TRIQK: variants seen among roughly 807,000 people sequenced by gnomAD.
The protein encoded by TRIQK is triple QxxK/R motif-containing protein.
Under a neutral mutation model 10.8 loss-of-function variants are expected in TRIQK, and 10 were observed. That is an observed-to-expected ratio of 0.92 (90% CI 0.57 to 1.57). The LOEUF (loss-of-function observed/expected upper bound fraction) is 1.57. TRIQK is among the 40% of genes most tolerant of loss of function. The pLI is 0.00. For synonymous variants in TRIQK, 33 were observed against 33.7 expected, an observed-to-expected ratio of 0.98 and a Z score of 0.07; for missense variants, 107 against 97.7, an observed-to-expected ratio of 1.09 and a Z score of -0.40.
chr8:92,885,873 T>C lies in TRIQK; in HGVS notation c.*749A>G, dbSNP rs753857285. ...CCTAACAAGAGGGGCGAACTGATACTACAAGCAGCCAGAACAACATAATTA... is the reference window on the plus strand; with the variant it reads ...CCTAACAAGAGGGGCGAACTGATACCACAAGCAGCCAGAACAACATAATTA... On this transcript the variant is annotated 3_prime_UTR_variant, in exon 5 of 5. Transcript: ENST00000521988. 6.6e-6 allele frequency: 1 copy of C among 151,690 alleles called. No individual in the cohort carries two copies. The highest frequency in any genetic ancestry group is 1.5e-5 in the Non-Finnish European group (1 of 67,770). 9.4% of individuals were successfully genotyped at this position (151,690 alleles called of 1,614,324 possible).
At chr8:92,940,935 A>G (rs1811239736) in intron 2 of TRIQK, among the ~76,000 whole-genome samples, 1 of 152,228 alleles carries the variant, frequency 6.6e-6, no homozygotes, top group South Asian at 2.1e-4. Context: ...TATCTTTCTG[A>G]CCACAATGGT....
At chr8:93,009,200 G>A (rs981483690) in intron 1 of TRIQK, among the ~76,000 whole-genome samples, 3 of 152,048 alleles carry the variant, frequency 2.0e-5, no homozygotes, top group African/African-American at 4.8e-5. Flanking sequence ...CAAAGAAGAC[G>A]TACAAATGGA....
chr8:92,885,744 T>G lies in TRIQK; in HGVS notation c.*878A>C, dbSNP rs1301791144. 2 of 151,754 alleles carry G rather than the reference T, an allele frequency of 1.3e-5. No homozygotes were observed. The highest frequency in any genetic ancestry group is 4.8e-5 in the African/African-American group (2 of 41,390). 9.4% of individuals were successfully genotyped at this position (151,754 alleles called of 1,614,324 possible). A position where few individuals can be genotyped will look rare whatever the true frequency, so the allele number is the denominator to read the frequency against. ...TTATAAAACAACTGTATTGTTCAGA[T>G]TTAGGAGACAACCTAAGAAGATGAT... On this transcript the variant is annotated 3_prime_UTR_variant, in exon 5 of 5. Transcript: ENST00000521988.
chr8:92,898,816 A>G (rs565632127), intron 3 of TRIQK, among the ~76,000 whole-genome samples: 14 of 119,036 alleles, frequency 1.2e-4, no homozygotes, highest in Non-Finnish European at 1.7e-4. Flanking sequence ...TTGCAGGTAC[A>G]TAATAGGTGT....
chr8:92,901,980 G>C (rs1808964290), intron 3 of TRIQK, among the ~76,000 whole-genome samples: 1 of 152,140 alleles, frequency 6.6e-6, no homozygotes, highest in African/African-American at 2.4e-5. Flanking sequence ...AGTTGTATGA[G>C]TCTAGGAATT....
intron 2 of TRIQK, among the ~76,000 whole-genome samples, chr8:92,949,673 AAAG>A (rs1811737415): frequency 9.5e-5 from 2 of 20,960 alleles, no homozygotes; most frequent in South Asian, 2.8e-3. Context: ...AAAGAGAAGG[AAAG>A]AAAGAAAGAA....
chr8:92,927,206 A>C (rs1050573470), intron 2 of TRIQK, among the ~76,000 whole-genome samples: 6 of 152,160 alleles, frequency 3.9e-5, no homozygotes, highest in African/African-American at 1.2e-4. Flanking sequence ...TTAGCTACCT[A>C]GTGCTGACAT....
chr8:92,937,971 G>A (rs1811076816), intron 2 of TRIQK, among the ~76,000 whole-genome samples: 1 of 151,704 alleles, frequency 6.6e-6, no homozygotes, highest in South Asian at 2.1e-4. Flanking sequence ...AATACTCTTT[G>A]TTCCTTGTGT....
intron 2 of TRIQK, among the ~76,000 whole-genome samples, chr8:92,925,004 G>T (rs894858124): frequency 6.6e-6 from 1 of 151,974 alleles, no homozygotes; most frequent in African/African-American, 2.4e-5. Flanking sequence ...CTAAAATCCT[G>T]ATCACTTGCC....
At chr8:92,937,251 A>T (rs1811037281) in intron 2 of TRIQK, among the ~76,000 whole-genome samples, 1 of 140,486 alleles carries the variant, frequency 7.1e-6, no homozygotes, top group African/African-American at 2.9e-5. Context: ...AACTTAAAAC[A>T]TGAAAAATCA....
At chr8:92,967,911 T>C (rs1346772737), upstream of TRIQK, among the ~76,000 whole-genome samples, 2 of 151,636 alleles carry the variant, frequency 1.3e-5, no homozygotes, top group Non-Finnish European at 2.9e-5. Flanking sequence ...TGCTGTAAGA[T>C]TTAAATAAAA....
At chr8:92,978,792 G>A (rs956330040) in intron 1 of TRIQK, among the ~76,000 whole-genome samples, 1 of 152,044 alleles carries the variant, frequency 6.6e-6, no homozygotes, top group Non-Finnish European at 1.5e-5. Context: ...CTCAATGTTT[G>A]AGAGATTCTT....
intron 3 of TRIQK, among the ~76,000 whole-genome samples, chr8:92,894,234 G>C (rs1816901539): frequency 2.0e-5 from 3 of 152,070 alleles, no homozygotes; most frequent in African/African-American, 7.2e-5. Flanking sequence ...ATATCCAAAA[G>C]TGTATATTGC....
intron 3 of TRIQK, among the ~76,000 whole-genome samples, chr8:92,901,545 C>T (rs1808940573): frequency 6.6e-6 from 1 of 152,102 alleles, no homozygotes; most frequent in African/African-American, 2.4e-5. Flanking sequence ...TGATGTATCA[C>T]ATTGTTTGAT....
intron 1 of TRIQK, among the ~76,000 whole-genome samples, chr8:93,008,510 A>G (rs1813296708): frequency 6.6e-6 from 1 of 152,158 alleles, no homozygotes; most frequent in African/African-American, 2.4e-5. Flanking sequence ...ATAATCCTGG[A>G]ACTACAAATT....
intron 2 of TRIQK, among the ~76,000 whole-genome samples, chr8:92,945,743 T>C (rs1411051960): frequency 6.6e-6 from 1 of 152,152 alleles, no homozygotes; most frequent in Non-Finnish European, 1.5e-5. Flanking sequence ...AGTTTTAGCA[T>C]TTGCCCCAAG....
At position 92,898,017 on chromosome 8, in the gene TRIQK, T is replaced by C. The variant is rs576136721; in HGVS notation, c.62-5943A>G. On this transcript the variant is annotated intron_variant, in intron 3 of 4. Transcript: ENST00000521988. Reference sequence around the variant, plus strand: ...AGATTCTCAGGAATCTGTCAGACCTTTTAAAAAATTCTATGGGCATGTTGT... The same window carrying C: ...AGATTCTCAGGAATCTGTCAGACCTCTTAAAAAATTCTATGGGCATGTTGT... Among the ~76,000 whole-genome samples, 10 of 152,248 alleles carry C rather than the reference T, an allele frequency of 6.6e-5. No individual in the cohort carries two copies. The South Asian group carries it at 2.1e-3, about 32-fold the overall frequency.
chr8:92,937,996 C>CT (rs1431871889), intron 2 of TRIQK, among the ~76,000 whole-genome samples: 4 of 151,738 alleles, frequency 2.6e-5, no homozygotes, highest in Admixed American at 1.3e-4. Flanking sequence ...TTTCATTTTC[C>CT]TTTTTTCTGA....
chr8:92,910,646 G>A (rs4424235), intron 3 of TRIQK, among the ~76,000 whole-genome samples: 100,405 of 150,268 alleles, frequency 0.67, 33,792 homozygotes, highest in Admixed American at 0.78. Context: ...AAATACAAGA[G>A]TACTTAACAA....
Sources: gnomAD v4.1 joint callset for allele counts (sites outside exome capture counted in the v4.1 genomes callset) on GRCh38, gnomAD v4.1.1 for gene constraint, MANE v1.5 for transcripts, NCBI Gene and HGNC (gene_info 2026-07-23, HGNC 2026-07-21) for gene names.